Variants in XPNPEP1 observed in about 807,000 individuals in gnomAD.
The protein encoded by XPNPEP1 is xaa-Pro aminopeptidase 1.
Under a neutral mutation model 92.4 loss-of-function variants are expected in XPNPEP1, and 39 were observed. The observed-to-expected ratio is 0.42, with a 90% confidence interval of 0.33 to 0.55. The LOEUF (loss-of-function observed/expected upper bound fraction) is 0.55, where lower values mean the gene tolerates loss of function less well. Ranked by LOEUF, XPNPEP1 falls within the 20% of genes least tolerant of loss-of-function variation. The pLI, the probability that XPNPEP1 is intolerant of heterozygous loss-of-function variation, is 0.08. For missense variants in XPNPEP1, 654 were observed against 856.1 expected, an observed-to-expected ratio of 0.76 and a Z score of 2.95; for synonymous variants, 307 against 299.4, an observed-to-expected ratio of 1.03 and a Z score of -0.26.
Position 109,891,832 on chromosome 10 carries a change from G to C in XPNPEP1, c.311-6C>G. 1 of 1,610,568 alleles carries C rather than the reference G, an allele frequency of 6.2e-7. No homozygotes were observed. The highest frequency in any genetic ancestry group is 8.5e-7 in the Non-Finnish European group (1 of 1,178,740). On this transcript the variant is annotated splice_region_variant and splice_polypyrimidine_tract_variant and intron_variant, in intron 4 of 20. Coordinates refer to ENST00000502935, the MANE Select transcript of XPNPEP1 (RefSeq NM_020383.4). The stretch of plus-strand genomic sequence containing the variant: ...TTCTGTGATGATGGCTGTGCCTGAA[G>C]CAGGGGAGAAAAAAAAAAGAAGAAG...
At position 109,907,616 on chromosome 10, in the gene XPNPEP1, T is replaced by C; in HGVS notation, c.246+75A>G. Reference sequence around the variant, plus strand: ...TGTGGCCCTGGTTGTGGGTTGACAATTAGAATCCTACAAACACATTAGGGC... The same window carrying C: ...TGTGGCCCTGGTTGTGGGTTGACAACTAGAATCCTACAAACACATTAGGGC... On this transcript the variant is annotated intron_variant, in intron 3 of 20. Transcript: ENST00000502935. 3 of 1,590,374 alleles carry C rather than the reference T, an allele frequency of 1.9e-6. No individual in the cohort carries two copies. In the South Asian group the frequency reaches 3.4e-5, roughly 18 times the overall value.
intron 3 of XPNPEP1, 44 bp downstream of exon 3, chr10:109,907,647 A>G (rs753300033): frequency 7.5e-6 from 12 of 1,609,976 alleles, no homozygotes; most frequent in Admixed American, 5.0e-5. Flanking sequence ...AGGGCTGGGG[A>G]AAAAAGACTG....
At position 109,914,997 on chromosome 10, in the gene XPNPEP1, G is replaced by T. The variant is rs772419361; in HGVS notation, c.121+14C>A. 1 of 1,493,418 alleles carries T rather than the reference G, an allele frequency of 6.7e-7. No homozygotes were observed. Among genetic ancestry groups the T allele is most frequent in the Non-Finnish European group, 8.9e-7 (1 of 1,117,496 alleles). The allele number at this position is 1,493,418 out of a possible 1,614,324, so 92.5% of individuals were successfully genotyped here. A position where few individuals can be genotyped will look rare whatever the true frequency, so the allele number is the denominator to read the frequency against. On this transcript the variant is annotated intron_variant, in intron 2 of 20. Coordinates refer to ENST00000502935, the MANE Select transcript of XPNPEP1 (RefSeq NM_020383.4). ...TTACAGATGTTCCATCTAATTTCCA[G>T]ACAAAATTATTACCTGTTTCCACAC...
intron 20 of XPNPEP1, 151 bp downstream of exon 20, chr10:109,868,463 T>C: frequency 1.5e-6 from 1 of 676,012 alleles, no homozygotes; most frequent in Non-Finnish European, 2.4e-6. Flanking sequence ...ACCTAGGGCT[T>C]TCAGACTCAA....
At chr10:109,887,172 T>A (rs924087231) in intron 7 of XPNPEP1, among the ~76,000 whole-genome samples, 5 of 152,178 alleles carry the variant, frequency 3.3e-5, no homozygotes, top group African/African-American at 1.2e-4. Context: ...CTCTCCCCTC[T>A]CCTATAAGCA....
intron 17 of XPNPEP1, 140 bp downstream of exon 17, chr10:109,871,652 C>T: frequency 1.1e-6 from 1 of 937,650 alleles, no homozygotes; most frequent in African/African-American, 1.7e-5. Flanking sequence ...TGGAGACTCA[C>T]CCCATGAGCA....
intron 14 of XPNPEP1, chr10:109,876,489 C>T (rs1847793787): frequency 6.6e-6 from 1 of 152,250 alleles, no homozygotes; most frequent in Non-Finnish European, 1.5e-5. Context: ...TGGCATGAAA[C>T]TGTTTAATGT....
At chr10:109,890,347 T>C (rs186059409) in intron 5 of XPNPEP1, among the ~76,000 whole-genome samples, 1 of 152,356 alleles carries the variant, frequency 6.6e-6, no homozygotes, top group East Asian at 1.9e-4. Flanking sequence ...AGCTTCTATT[T>C]GTATTTATTT....
chr10:109,890,587 TGTGTGTGAGA>T (rs1311979388), intron 5 of XPNPEP1, among the ~76,000 whole-genome samples: 10 of 91,480 alleles, frequency 1.1e-4, no homozygotes, highest in African/African-American at 4.2e-4. Context: ...TGTGTGTGTG[TGTGTGTGAGA>T]GAGAGAGAGA....
At chr10:109,878,292 T>C in intron 12 of XPNPEP1, 1 of 493,106 alleles carries the variant, frequency 2.0e-6, no homozygotes, top group Non-Finnish European at 3.6e-6. Flanking sequence ...GCTTCAGTAT[T>C]TTATCCTAAA....
chr10:109,873,553 C>A, intron 15 of XPNPEP1, 126 bp from the exon 16 acceptor site: 1 of 1,104,010 alleles, frequency 9.1e-7, no homozygotes, highest in South Asian at 1.3e-5. Context: ...ATAGCACAGC[C>A]ATCTTTGCAA....
intron 1 of XPNPEP1, among the ~76,000 whole-genome samples, chr10:109,921,251 A>G (rs1850520872): frequency 6.6e-6 from 1 of 152,210 alleles, no homozygotes; most frequent in South Asian, 2.1e-4. Context: ...AGATCAAATG[A>G]CTGGCTCAAG....
chr10:109,897,896 C>T (rs558372691), intron 3 of XPNPEP1, among the ~76,000 whole-genome samples: 6 of 152,116 alleles, frequency 3.9e-5, no homozygotes, highest in Admixed American at 1.3e-4. Context: ...TCAAGTGATC[C>T]GCCTGCCTCG....
intron 3 of XPNPEP1, among the ~76,000 whole-genome samples, chr10:109,898,518 G>A (rs1247389159): frequency 6.6e-6 from 1 of 152,190 alleles, no homozygotes; most frequent in Non-Finnish European, 1.5e-5. Flanking sequence ...AAGCTCAGAG[G>A]TTTGACTGGG....
chr10:109,911,243 T>C (rs530541730), intron 2 of XPNPEP1, among the ~76,000 whole-genome samples: 7 of 152,360 alleles, frequency 4.6e-5, no homozygotes, highest in African/African-American at 9.6e-5. Context: ...TCCATGTTCC[T>C]TGCATTACAC....
chr10:109,884,516 G>T (rs1178333359), intron 8 of XPNPEP1: 13 of 175,430 alleles, frequency 7.4e-5, no homozygotes, highest in Non-Finnish European at 1.2e-5. Context: ...AAATAAAAAG[G>T]AAGGAGACGA....
chr10:109,875,507 C>T (rs773092422), intron 15 of XPNPEP1, 21 bp downstream of exon 15: 3 of 1,612,560 alleles, frequency 1.9e-6, no homozygotes, highest in Non-Finnish European at 2.5e-6. Flanking sequence ...TCAAGTTCCA[C>T]AGCAGTCCTG....
intron 9 of XPNPEP1, 129 bp from the exon 10 acceptor site, chr10:109,882,771 C>G (rs1194478979): frequency 1.1e-6 from 1 of 950,608 alleles, no homozygotes; most frequent in Admixed American, 2.4e-5. Flanking sequence ...CTCTCCTCCC[C>G]ACTCCTTTCC....
chr10:109,878,707 G>A (rs1054920461), intron 12 of XPNPEP1, among the ~76,000 whole-genome samples: 3 of 151,896 alleles, frequency 2.0e-5, no homozygotes, highest in Non-Finnish European at 4.4e-5. Context: ...GGGCAACATG[G>A]CAAAACCTTA....
Sources: gnomAD v4.1 joint callset for allele counts (sites outside exome capture counted in the v4.1 genomes callset) on GRCh38, gnomAD v4.1.1 for gene constraint, MANE v1.5 for transcripts, NCBI Gene and HGNC (gene_info 2026-07-23, HGNC 2026-07-21) for gene names.